OSBPL8: variants seen among roughly 807,000 people sequenced by gnomAD.
OSBPL8 encodes the protein oxysterol-binding protein-related protein 8.
A neutral mutation model predicts 125.5 loss-of-function variants in OSBPL8; 59 were observed. That is an observed-to-expected ratio of 0.47 (90% CI 0.38 to 0.58). The LOEUF is 0.58. Ranked by LOEUF, OSBPL8 falls within the 20% of genes least tolerant of loss-of-function variation. OSBPL8 has a pLI of 0.00. For synonymous variants in OSBPL8, 330 were observed against 338.9 expected, an observed-to-expected ratio of 0.97 and a Z score of 0.29; for missense variants, 758 against 1,047.8, an observed-to-expected ratio of 0.72 and a Z score of 3.82.
intron 4 of OSBPL8, among the ~76,000 whole-genome samples, chr12:76,411,993 T>C (rs1954532461): frequency 6.6e-6 from 1 of 152,162 alleles, no homozygotes; most frequent in Non-Finnish European, 1.5e-5. Flanking sequence ...ATGTACATTC[T>C]ACACGGAGGA....
At chr12:76,370,628 T>C (rs553422072) in intron 19 of OSBPL8, among the ~76,000 whole-genome samples, 33 of 152,300 alleles carry the variant, frequency 2.2e-4, no homozygotes, top group African/African-American at 7.9e-4. Context: ...TATGTATGCC[T>C]TGGCAAAGCT....
At chr12:76,497,648 T>A (rs1435762757) in intron 1 of OSBPL8, among the ~76,000 whole-genome samples, 1 of 152,244 alleles carries the variant, frequency 6.6e-6, no homozygotes, top group Non-Finnish European at 1.5e-5. Flanking sequence ...GTGGTTTTTA[T>A]ACTTCTGTCC....
rs554946299 is a variant in OSBPL8, at chr12:76,508,423, G to A, written c.-67-20805C>T. ...ACTATGAAGCTGAAAATTTCCCATTGCCTAGTGACATCACAGCCATGGTGA... is the reference window on the plus strand; with the variant it reads ...ACTATGAAGCTGAAAATTTCCCATTACCTAGTGACATCACAGCCATGGTGA... On this transcript the variant is annotated intron_variant, in intron 1 of 23. Coordinates refer to ENST00000261183, the MANE Select transcript of OSBPL8 (RefSeq NM_020841.5). Among the ~76,000 whole-genome samples the A allele has an allele frequency of 2.0e-5, 3 of 152,192 alleles. No individual in the cohort carries two copies. In the East Asian group the frequency reaches 5.8e-4, roughly 29 times the overall value.
intron 1 of OSBPL8, among the ~76,000 whole-genome samples, chr12:76,495,593 C>T (rs1323613759): frequency 6.6e-6 from 1 of 152,028 alleles, no homozygotes; most frequent in Non-Finnish European, 1.5e-5. Flanking sequence ...GATACTATGT[C>T]TCTATTCTCC....
At chr12:76,386,767 C>T in intron 12 of OSBPL8, 107 bp from the exon 13 acceptor site, 1 of 711,824 alleles carries the variant, frequency 1.4e-6, no homozygotes, top group Non-Finnish European at 2.3e-6. Context: ...AAACATAATT[C>T]TTATTTTAAA....
At chr12:76,533,005 T>C (rs887925230) in intron 1 of OSBPL8, among the ~76,000 whole-genome samples, 1 of 152,178 alleles carries the variant, frequency 6.6e-6, no homozygotes, top group Non-Finnish European at 1.5e-5. Context: ...AAACCCTAAA[T>C]TGATATAGGT....
intron 16 of OSBPL8, among the ~76,000 whole-genome samples, chr12:76,375,622 A>G (rs866992280): frequency 1.3e-5 from 2 of 152,224 alleles, no homozygotes; most frequent in Middle Eastern, 3.4e-3. Context: ...TACCCACAGT[A>G]CTTCTGTAGT....
At chr12:76,526,324 G>A (rs752953805) in intron 1 of OSBPL8, among the ~76,000 whole-genome samples, 2 of 152,004 alleles carry the variant, frequency 1.3e-5, no homozygotes, top group African/African-American at 2.4e-5. Flanking sequence ...TTAATTGAAC[G>A]TTTTTCAAAT....
rs969584403 is a variant in OSBPL8, at chr12:76,393,246, C to T, written c.758-494G>A. Among the ~76,000 whole-genome samples, 3 of 152,202 alleles carry T rather than the reference C, an allele frequency of 2.0e-5. No homozygotes were observed. In the East Asian group the frequency reaches 5.8e-4, roughly 29 times the overall value. ...TAACTGCCATATTAGTTAAGAGAAA[C>T]ATTAATAGTTTTATTTTTTAAGTAA... is the stretch of plus-strand genomic sequence containing the variant. On this transcript the variant is annotated intron_variant, in intron 9 of 23. Coordinates refer to ENST00000261183, the MANE Select transcript of OSBPL8 (RefSeq NM_020841.5).
chr12:76,390,285 T>TATTG (rs1373796873), intron 11 of OSBPL8, 135 bp downstream of exon 11: 2 of 639,594 alleles, frequency 3.1e-6, no homozygotes, highest in African/African-American at 3.6e-5. Context: ...ATATTTCATA[T>TATTG]GTATGCAATT....
chr12:76,384,929 A>G (rs577274870), intron 14 of OSBPL8, among the ~76,000 whole-genome samples: 1 of 152,276 alleles, frequency 6.6e-6, no homozygotes, highest in African/African-American at 2.4e-5. Context: ...TAAGATAATA[A>G]ATACTGCTTT....
At position 76,375,338 on chromosome 12, in the gene OSBPL8, C is replaced by A; in HGVS notation, c.1762G>T (p.Gly588Cys). The A allele has an allele frequency of 6.2e-7, 1 of 1,612,142 alleles. No homozygotes were observed. Among genetic ancestry groups the A allele is most frequent in the Non-Finnish European group, 8.5e-7 (1 of 1,179,114 alleles). ...TGACATGTAATATTGACTGTTCCAC[C>A]AAGCTCCAGTGTCATTGTACCATAA... ...ILYGTMTLEL[G>C]GTVNITCQKT... Residue 588 changes from glycine to cysteine, a missense_variant, in exon 17 of 24, where the codon GGT (glycine) becomes TGT (cysteine). Around this residue, in one of 3 missense-constraint regions of OSBPL8, gnomAD observed 572 missense variants for 762.0 expected, o/e 0.75. Coordinates refer to ENST00000261183, the MANE Select transcript of OSBPL8 (RefSeq NM_020841.5).
intron 4 of OSBPL8, among the ~76,000 whole-genome samples, chr12:76,421,533 C>G (rs1948668198): frequency 6.6e-6 from 1 of 151,948 alleles, no homozygotes; most frequent in Non-Finnish European, 1.5e-5. Context: ...CTCAGAAGAA[C>G]ACATATACCA....
intron 1 of OSBPL8, among the ~76,000 whole-genome samples, chr12:76,509,525 CA>C (rs1329245595): frequency 1.3e-5 from 2 of 152,074 alleles, no homozygotes; most frequent in Non-Finnish European, 2.9e-5. Flanking sequence ...CAGTCTATTC[CA>C]AATGGCTTTC....
At chr12:76,362,497 A>G (rs1222313202) in intron 21 of OSBPL8, among the ~76,000 whole-genome samples, 1 of 152,058 alleles carries the variant, frequency 6.6e-6, no homozygotes, top group East Asian at 1.9e-4. Context: ...CATGCTAAAA[A>G]CTCTCAATAA....
intron 5 of OSBPL8, among the ~76,000 whole-genome samples, chr12:76,404,416 C>T (rs1210659814): frequency 6.6e-6 from 1 of 152,092 alleles, no homozygotes; most frequent in African/African-American, 2.4e-5. Context: ...TTACTATTTA[C>T]CAAGTACAGT....
intron 1 of OSBPL8, among the ~76,000 whole-genome samples, chr12:76,551,698 G>A (rs1167887107): frequency 6.6e-6 from 1 of 152,120 alleles, no homozygotes; most frequent in South Asian, 2.1e-4. Context: ...AGTCACAATG[G>A]CACATGCTGA....
At chr12:76,526,635 CTTTTTTTTTT>C (rs573409160) in intron 1 of OSBPL8, among the ~76,000 whole-genome samples, 28 of 64,242 alleles carry the variant, frequency 4.4e-4, no homozygotes, top group Non-Finnish European at 6.3e-4. Flanking sequence ...CAGTAAATCT[CTTTTTTTTTT>C]TTTTTTTTTT....
chr12:76,390,222 A>G, intron 11 of OSBPL8, 198 bp downstream of exon 11: 1 of 476,382 alleles, frequency 2.1e-6, no homozygotes, highest in Non-Finnish European at 3.7e-6. Flanking sequence ...AATTTAATAG[A>G]ATATATTGGT....
Sources: gnomAD v4.1 joint callset for allele counts (sites outside exome capture counted in the v4.1 genomes callset) on GRCh38, gnomAD v4.1.1 for gene constraint, gnomAD v4.1.1 regional missense constraint, MANE v1.5 for transcripts, NCBI Gene and HGNC (gene_info 2026-07-23, HGNC 2026-07-21) for gene names.